The following TRA2B variants were observed in gnomAD, a reference collection of about 807,000 sequenced individuals.
The protein encoded by TRA2B is transformer-2 protein homolog beta.
A neutral mutation model predicts 41.7 loss-of-function variants in TRA2B; 14 were observed. The ratio of observed to expected loss-of-function variants is 0.34; its 90% CI spans 0.22 to 0.53. TRA2B has a LOEUF of 0.53. Among genes scored for constraint, TRA2B ranks in the 20% least tolerant of loss-of-function variants. The probability of loss-of-function intolerance (pLI) is 0.95; values close to 1 mark genes in which losing one functional copy is unlikely to be tolerated. For missense variants in TRA2B, 167 were observed against 396.8 expected (o/e 0.42, Z 4.92); for synonymous variants, 130 against 128.8 (o/e 1.01, Z -0.06).
intron 8 of TRA2B, 55 bp downstream of exon 8, chr3:185,918,310 T>C: frequency 7.7e-7 from 1 of 1,296,372 alleles, no homozygotes; most frequent in Non-Finnish European, 1.1e-6. Flanking sequence ...GAATACACTG[T>C]CATCAGAGCA....
Position 185,924,054 on chromosome 3 carries a change from T to C in TRA2B, c.334-70A>G, listed in dbSNP as rs1158067329. On this transcript the variant is annotated intron_variant, in intron 3 of 8. Transcript: ENST00000453386. ...AATCAAAGTTGTTTAAAAAGGGAGCTGTATACTAGCCAAAATGTCACTAAC... is the reference window on the plus strand; with the variant it reads ...AATCAAAGTTGTTTAAAAAGGGAGCCGTATACTAGCCAAAATGTCACTAAC... 4 of 1,386,060 alleles carry C rather than the reference T, an allele frequency of 2.9e-6. No individual in the cohort carries two copies. The Admixed American group carries it at 6.9e-5, about 24-fold the overall frequency. 85.9% of individuals were successfully genotyped at this position (1,386,060 alleles called of 1,614,324 possible).
rs547396650 is a variant in TRA2B, at chr3:185,915,126, G to A, written c.*2589C>T. Among the ~76,000 whole-genome samples the A allele has an allele frequency of 6.6e-6, 1 of 152,206 alleles. No homozygotes were observed. Among genetic ancestry groups the A allele is most frequent in the African/African-American group, 2.4e-5 (1 of 41,528 alleles). On this transcript the variant is annotated 3_prime_UTR_variant, in exon 9 of 9. Coordinates refer to ENST00000453386, the MANE Select transcript of TRA2B (RefSeq NM_004593.3). ...TGCTGTTGCTGATCTGACAGGCGGCGGAGCTCAGGCAATCCATGGCCAGGA... is the reference window on the plus strand; with the variant it reads ...TGCTGTTGCTGATCTGACAGGCGGCAGAGCTCAGGCAATCCATGGCCAGGA...
At position 185,922,052 on chromosome 3, in the gene TRA2B, T is replaced by C. The variant is rs531584346; in HGVS notation, c.597A>G (p.Pro199=). Residue 199 remains proline, a synonymous_variant, in exon 5 of 9, where the codon CCA becomes CCG. Transcript: ENST00000453386. ...IRVDFSITKR[P]HTPTPGIYMG... ...TGTAAATTCCTGGTGTTGGCGTATG[T>C]GGTCTTTTTGTTATAGAGAAATCAA... The C allele has an allele frequency of 2.1e-5, 34 of 1,613,912 alleles. No homozygotes were observed. In the Admixed American group the frequency reaches 4.7e-4, roughly 22 times the overall value.
At chr3:185,929,508 A>G (rs550168016) in intron 1 of TRA2B, among the ~76,000 whole-genome samples, 29 of 152,322 alleles carry the variant, frequency 1.9e-4, no homozygotes, top group Non-Finnish European at 3.8e-4. Context: ...AATAAAACCA[A>G]AATTTCCCTG....
intron 2 of TRA2B, among the ~76,000 whole-genome samples, chr3:185,926,194 A>T (rs1004042842): frequency 3.3e-5 from 2 of 60,228 alleles, no homozygotes; most frequent in African/African-American, 5.2e-5. Flanking sequence ...GACCAACATT[A>T]AAAAAAAAAA....
At chr3:185,926,968 AC>A (rs1246356430) in intron 1 of TRA2B, 9 of 439,004 alleles carry the variant, frequency 2.1e-5, no homozygotes, top group Non-Finnish European at 3.3e-5. Context: ...GAGTTATTTG[AC>A]CCCACTTCCT....
chr3:185,937,308 TA>T (rs1744401505), intron 1 of TRA2B: 1 of 988,116 alleles, frequency 1.0e-6, no homozygotes. Context: ...TTCGTTAACC[TA>T]AACACCGGCC....
chr3:185,926,182 T>C (rs953246676), intron 2 of TRA2B, among the ~76,000 whole-genome samples: 13 of 139,762 alleles, frequency 9.3e-5, no homozygotes, highest in Non-Finnish European at 1.6e-4. Context: ...TAGCCTACTT[T>C]TGACCAACAT....
At chr3:185,937,537 G>C in intron 1 of TRA2B, 2 of 1,002,550 alleles carry the variant, frequency 2.0e-6, no homozygotes, top group Non-Finnish European at 2.6e-6. Context: ...CAACACCGCG[G>C]GGACGCAGCG....
chr3:185,936,936 G>C, intron 1 of TRA2B: 1 of 985,420 alleles, frequency 1.0e-6, no homozygotes, highest in Non-Finnish European at 1.2e-6. Flanking sequence ...TTAAGGGAAA[G>C]AAAACTGTAG....
At chr3:185,933,198 C>A (rs773857210) in intron 1 of TRA2B, among the ~76,000 whole-genome samples, 2 of 152,150 alleles carry the variant, frequency 1.3e-5, no homozygotes, top group African/African-American at 2.4e-5. Flanking sequence ...GCAGAAGATA[C>A]AAGAATAGAG....
intron 1 of TRA2B, chr3:185,928,271 A>C (rs1181722905): frequency 6.6e-6 from 1 of 152,232 alleles, no homozygotes; most frequent in Non-Finnish European, 1.5e-5. Flanking sequence ...CTCATCCAGT[A>C]AAATGAGTTC....
In TRA2B at chr3:185,915,556, TCA is replaced by T; in HGVS notation, c.*2157_*2158del. On this transcript the variant is annotated 3_prime_UTR_variant, in exon 9 of 9. Transcript: ENST00000453386. ...GACTACCACTTTGTCTCACTACTTCTCAGTCTATCTCAACTTGGTAAAATTCC... is the reference window on the plus strand; with the variant it reads ...GACTACCACTTTGTCTCACTACTTCTGTCTATCTCAACTTGGTAAAATTCC... Among the ~76,000 whole-genome samples, 1 of 152,314 alleles carries T rather than the reference TCA, an allele frequency of 6.6e-6. No individual in the cohort carries two copies. Among genetic ancestry groups the T allele is most frequent in the South Asian group, 2.1e-4 (1 of 4,824 alleles).
chr3:185,925,365 C>A (rs1338714306), intron 3 of TRA2B, 99 bp downstream of exon 3: 3 of 1,388,772 alleles, frequency 2.2e-6, no homozygotes, highest in Admixed American at 4.5e-5. Flanking sequence ...ATTTCACTCA[C>A]GCACCAACTG....
At chr3:185,921,949 T>C (rs1291933475) in intron 5 of TRA2B, 62 bp downstream of exon 5, 3 of 1,266,808 alleles carry the variant, frequency 2.4e-6, no homozygotes, top group East Asian at 4.7e-5. Flanking sequence ...TTTCCACTAA[T>C]ACAAGTGTTT....
chr3:185,914,956 G>A lies in TRA2B; in HGVS notation c.*2759C>T, dbSNP rs896920014. Among the ~76,000 whole-genome samples, 1 of 151,990 alleles carries A rather than the reference G, an allele frequency of 6.6e-6. No individual in the cohort carries two copies. The highest frequency in any genetic ancestry group is 1.5e-5 in the Non-Finnish European group (1 of 68,016). On this transcript the variant is annotated 3_prime_UTR_variant, in exon 9 of 9. Coordinates refer to ENST00000453386, the MANE Select transcript of TRA2B (RefSeq NM_004593.3). ...CTAAGAGCTATTAGTTTTATCTTAA[G>A]GCATATATTCCTTATGTAGGGGCAA...
Position 185,937,988 on chromosome 3 carries a change from G to A in TRA2B, c.-128C>T, listed in dbSNP as rs1442949360. 8.4e-6 allele frequency: 9 copies of A among 1,065,344 alleles called. No homozygotes were observed. The highest frequency in any genetic ancestry group is 3.1e-5 in the African/African-American group (2 of 63,736). The allele number at this position is 1,065,344 out of a possible 1,614,324, so 66.0% of individuals were successfully genotyped here. A position where few individuals can be genotyped will look rare whatever the true frequency, so the allele number is the denominator to read the frequency against. On this transcript the variant is annotated 5_prime_UTR_variant, in exon 1 of 9. Coordinates refer to ENST00000453386, the MANE Select transcript of TRA2B (RefSeq NM_004593.3). The stretch of plus-strand genomic sequence containing the variant: ...TCGCCCAGCCGCTCAGAGCCGAAAT[G>A]CTCCGCACCGCCTCCGCACGGGCTC...
chr3:185,935,983 A>G, intron 1 of TRA2B: 1 of 985,436 alleles, frequency 1.0e-6, no homozygotes, highest in South Asian at 4.7e-5. Flanking sequence ...TTTTACTAGT[A>G]AAAAGATAAC....
intron 1 of TRA2B, chr3:185,935,216 G>A: frequency 2.0e-6 from 2 of 985,386 alleles, no homozygotes; most frequent in Non-Finnish European, 2.4e-6. Context: ...AAGCAATTTT[G>A]GGGGAAGAGT....
Sources: allele counts gnomAD v4.1 joint callset (sites outside exome capture counted in the v4.1 genomes callset), GRCh38; gene constraint gnomAD v4.1.1; transcripts MANE v1.5; gene names NCBI Gene and HGNC (gene_info 2026-07-23, HGNC 2026-07-21).